The following SPEF2 variants were observed in gnomAD, a reference collection of about 807,000 sequenced individuals.
SPEF2 encodes sperm flagella and cilia-associated protein 2.
In SPEF2, 187 loss-of-function variants were observed where a neutral mutation model predicts 224.6. That is an observed-to-expected ratio of 0.83 (90% CI 0.74 to 0.94). SPEF2 has a LOEUF of 0.94. Among genes scored for constraint, SPEF2 ranks in the 40% least tolerant of loss-of-function variants. The probability of loss-of-function intolerance (pLI) is 0.00; values close to 1 mark genes in which losing one functional copy is unlikely to be tolerated. For synonymous variants in SPEF2, 715 were observed against 707.3 expected (o/e 1.01, Z -0.17); for missense variants, 2,170 against 2,135.6 (o/e 1.02, Z -0.32).
intron 8 of SPEF2, among the ~76,000 whole-genome samples, chr5:35,664,135 T>C (rs926417418): frequency 2.0e-5 from 3 of 152,146 alleles, no homozygotes; most frequent in Non-Finnish European, 2.9e-5. Flanking sequence ...TCAGGCCTCA[T>C]ACCCCATGGT....
intron 16 of SPEF2, among the ~76,000 whole-genome samples, chr5:35,701,794 C>T (rs1012021855): frequency 6.6e-6 from 1 of 152,090 alleles, no homozygotes; most frequent in African/African-American, 2.4e-5. Context: ...GCCTAGGAAA[C>T]GTGACAAGGC....
At chr5:35,737,927 C>G (rs1400903421) in intron 21 of SPEF2, among the ~76,000 whole-genome samples, 10 of 152,160 alleles carry the variant, frequency 6.6e-5, no homozygotes, top group Non-Finnish European at 1.5e-4. Flanking sequence ...GAGATGGTAT[C>G]TCATTGTGGT....
intron 4 of SPEF2, among the ~76,000 whole-genome samples, chr5:35,645,417 ATGCTT>A (rs1452109673): frequency 1.3e-5 from 2 of 152,126 alleles, no homozygotes; most frequent in African/African-American, 4.8e-5. Context: ...AAAAACGGGG[ATGCTT>A]ACTTCTACCT....
chr5:35,662,503 G>A (rs140623330), intron 8 of SPEF2, among the ~76,000 whole-genome samples: 79 of 152,176 alleles, frequency 5.2e-4, no homozygotes, highest in Admixed American at 2.6e-4. Flanking sequence ...ATCTTTGCCC[G>A]TGCTTATGTC....
At chr5:35,754,287 C>T (rs570497040) in intron 24 of SPEF2, among the ~76,000 whole-genome samples, 2 of 152,288 alleles carry the variant, frequency 1.3e-5, no homozygotes, top group South Asian at 4.1e-4. Context: ...GATTAGAAGA[C>T]AGGTGCTGAT....
In SPEF2 at chr5:35,641,669, G is replaced by A; in HGVS notation, c.400G>A (p.Asp134Asn). The change falls in exon 3 of 37, where the codon GAT (aspartate) becomes AAT (asparagine). Residue 134 changes from aspartate to asparagine, a missense_variant. Asp to Asn is a conservative substitution (Grantham distance 23). Coordinates refer to ENST00000356031, the MANE Select transcript of SPEF2 (RefSeq NM_024867.4). ...TTTAAGACTTCAAAACATGAAAAGT[G>A]ATACTTTTCAAGAGGTAGGTACATA... ...TNLRLQNMKS[D>N]TFQERLRHMI... The A allele has an allele frequency of 6.8e-6, 11 of 1,612,746 alleles. No individual in the cohort carries two copies. The highest frequency in any genetic ancestry group is 9.3e-6 in the Non-Finnish European group (11 of 1,179,432).
intron 8 of SPEF2, among the ~76,000 whole-genome samples, chr5:35,662,955 A>C (rs1488310228): frequency 6.6e-6 from 1 of 152,172 alleles, no homozygotes. Flanking sequence ...TTTTAAATCT[A>C]TTAAGGTCTT....
chr5:35,626,288 T>C (rs543260506), intron 1 of SPEF2, among the ~76,000 whole-genome samples: 1 of 152,320 alleles, frequency 6.6e-6, no homozygotes, highest in South Asian at 2.1e-4. Context: ...CCATCAACTC[T>C]GAAAGAATGT....
intron 24 of SPEF2, among the ~76,000 whole-genome samples, chr5:35,757,941 C>T (rs1213160403): frequency 6.6e-6 from 1 of 152,016 alleles, no homozygotes; most frequent in Non-Finnish European, 1.5e-5. Context: ...TTAGAAAAGT[C>T]GAATAGCACA....
chr5:35,809,453 G>A (rs1253617925), intron 36 of SPEF2, among the ~76,000 whole-genome samples: 2 of 152,118 alleles, frequency 1.3e-5, no homozygotes, highest in African/African-American at 2.4e-5. Flanking sequence ...GGTCTTGAAC[G>A]ATAGCCAGGG....
intron 16 of SPEF2, among the ~76,000 whole-genome samples, chr5:35,703,801 C>A (rs7448754): frequency 0.54 from 81,550 of 151,954 alleles, 22,301 homozygotes; most frequent in African/African-American, 0.56. Flanking sequence ...TTCATTTCAC[C>A]TTGTTCTGTT....
intron 36 of SPEF2, among the ~76,000 whole-genome samples, chr5:35,812,997 A>G (rs1470121336): frequency 6.6e-6 from 1 of 152,176 alleles, no homozygotes; most frequent in Non-Finnish European, 1.5e-5. Flanking sequence ...ATTCACTGCT[A>G]CTGAAAATTG....
chr5:35,635,166 G>A (rs963964659), intron 2 of SPEF2, among the ~76,000 whole-genome samples: 1 of 151,512 alleles, frequency 6.6e-6, no homozygotes, highest in African/African-American at 2.4e-5. Context: ...ACCTGTCTTT[G>A]GGTTCTCAGA....
chr5:35,680,136 T>C (rs376097658), intron 10 of SPEF2, among the ~76,000 whole-genome samples: 6 of 152,362 alleles, frequency 3.9e-5, no homozygotes, highest in Admixed American at 1.3e-4. Context: ...GTTAAGTCTC[T>C]GGCATAGTTT....
chr5:35,791,378 G>C (rs1483327727), intron 30 of SPEF2: 1 of 152,152 alleles, frequency 6.6e-6, no homozygotes, highest in African/African-American at 2.4e-5. Context: ...AAGGATTATT[G>C]CATTTCCCTG....
At chr5:35,697,940 A>G in intron 15 of SPEF2, 147 bp downstream of exon 15, 2 of 553,222 alleles carry the variant, frequency 3.6e-6, no homozygotes, top group Non-Finnish European at 6.0e-6. Flanking sequence ...GAAAAGGTAG[A>G]TTTATTTTGT....
chr5:35,668,119 A>C (rs1165535643), intron 9 of SPEF2, among the ~76,000 whole-genome samples: 5 of 152,170 alleles, frequency 3.3e-5, no homozygotes, highest in Admixed American at 6.6e-5. Context: ...AAAAAGCAGA[A>C]TATGCAACTC....
At chr5:35,654,853 C>A (rs1229286433) in intron 7 of SPEF2, 127 bp downstream of exon 7, 2 of 743,658 alleles carry the variant, frequency 2.7e-6, no homozygotes, top group Non-Finnish European at 4.0e-6. Flanking sequence ...ACTTTCACAT[C>A]CTCATCATAA....
At chr5:35,629,208 C>G (rs1286476421) in intron 2 of SPEF2, among the ~76,000 whole-genome samples, 1 of 123,458 alleles carries the variant, frequency 8.1e-6, no homozygotes, top group African/African-American at 3.3e-5. Flanking sequence ...GGTTGGAGTG[C>G]AGTGGTGTGA....
Sources: gnomAD v4.1 joint callset for allele counts (sites outside exome capture counted in the v4.1 genomes callset) on GRCh38, gnomAD v4.1.1 for gene constraint, MANE v1.5 for transcripts, NCBI Gene and HGNC (gene_info 2026-07-23, HGNC 2026-07-21) for gene names.